SYCP2L: variants seen among roughly 807,000 people sequenced by gnomAD.
SYCP2L encodes the protein synaptonemal complex protein 2 like, also known as synaptonemal complex protein 2-like.
A neutral mutation model predicts 125.8 loss-of-function variants in SYCP2L; 98 were observed. The observed-to-expected ratio is 0.78, with a 90% CI of 0.66 to 0.92. SYCP2L has a LOEUF of 0.92. SYCP2L is among the 40% of genes least tolerant of loss of function. SYCP2L has a pLI of 0.00. For missense variants in SYCP2L, 842 were observed against 936.4 expected (o/e 0.90, Z 1.32); for synonymous variants, 317 against 325.4 (o/e 0.97, Z 0.28).
intron 21 of SYCP2L, among the ~76,000 whole-genome samples, chr6:10,935,744 C>T (rs1781082283): frequency 6.6e-6 from 1 of 152,176 alleles, no homozygotes; most frequent in African/African-American, 2.4e-5. Context: ...ATCTGCCCAC[C>T]TTGCCTTCCC....
chr6:10,958,534 G>A (rs910763988), intron 25 of SYCP2L, among the ~76,000 whole-genome samples: 4 of 152,054 alleles, frequency 2.6e-5, no homozygotes, highest in African/African-American at 9.7e-5. Flanking sequence ...GATTTGGGTG[G>A]GGGCAAATAT....
At chr6:10,934,028 G>C (rs1056931995) in intron 20 of SYCP2L, among the ~76,000 whole-genome samples, 1 of 152,148 alleles carries the variant, frequency 6.6e-6, no homozygotes, top group Non-Finnish European at 1.5e-5. Flanking sequence ...ATAGAATAGA[G>C]GCAGGTAGAG....
At chr6:10,903,727 G>A (rs1780432616) in intron 8 of SYCP2L, among the ~76,000 whole-genome samples, 1 of 151,564 alleles carries the variant, frequency 6.6e-6, no homozygotes, top group Non-Finnish European at 1.5e-5. Context: ...CTCCAGCCTG[G>A]GTGATAGAGC....
At chr6:10,963,420 T>C (rs1781624482) in intron 28 of SYCP2L, 4 of 266,582 alleles carry the variant, frequency 1.5e-5, no homozygotes, top group African/African-American at 6.7e-5. Context: ...CCTTATCTTA[T>C]GTTTTCATGT....
intron 14 of SYCP2L, among the ~76,000 whole-genome samples, chr6:10,920,651 A>G (rs1780780692): frequency 6.6e-6 from 1 of 152,096 alleles, no homozygotes; most frequent in Non-Finnish European, 1.5e-5. Context: ...TCATGGGTAC[A>G]TGTGCAGGAT....
At chr6:10,907,892 G>GTTTTTTTTTTTTTTGT (rs1780527260) in intron 10 of SYCP2L, among the ~76,000 whole-genome samples, 3 of 91,936 alleles carry the variant, frequency 3.3e-5, no homozygotes, top group African/African-American at 1.2e-4. Flanking sequence ...ATACAGATAG[G>GTTTTTTTTTTTTTTGT]TTTTTTTTTT....
At chr6:10,966,139 TAAC>T (rs1192012629) in intron 29 of SYCP2L, among the ~76,000 whole-genome samples, 4 of 148,154 alleles carry the variant, frequency 2.7e-5, no homozygotes, top group African/African-American at 9.9e-5. Context: ...ACAACAACAA[TAAC>T]AACAACAACA....
At chr6:10,956,039 C>T (rs1665025954) in intron 24 of SYCP2L, 97 bp from the exon 25 acceptor site, 4 of 986,126 alleles carry the variant, frequency 4.1e-6, no homozygotes, top group Admixed American at 4.2e-5. Context: ...CGCATCTGTG[C>T]TTCCAAATAA....
chr6:10,922,738 G>A (rs1368926924), intron 14 of SYCP2L: 1 of 152,020 alleles, frequency 6.6e-6, no homozygotes, highest in Non-Finnish European at 1.5e-5. Flanking sequence ...TTAGTATTTT[G>A]GGGAGATCAT....
intron 23 of SYCP2L, among the ~76,000 whole-genome samples, chr6:10,948,586 T>A (rs1449651948): frequency 2.0e-5 from 3 of 152,040 alleles, no homozygotes; most frequent in African/African-American, 7.2e-5. Flanking sequence ...GTGGTACATT[T>A]AAAAAAAGAT....
intron 28 of SYCP2L, among the ~76,000 whole-genome samples, chr6:10,962,896 A>T (rs1390957237): frequency 2.0e-5 from 3 of 152,142 alleles, no homozygotes; most frequent in Non-Finnish European, 4.4e-5. Flanking sequence ...AAAGCAAATA[A>T]TGTCTTAATG....
intron 21 of SYCP2L, among the ~76,000 whole-genome samples, chr6:10,940,914 C>T (rs60539777): frequency 0.2 from 29,916 of 151,898 alleles, 3,868 homozygotes; most frequent in East Asian, 0.42. Context: ...AATCCCTGCC[C>T]GTGTTATTTG....
chr6:10,959,783 C>T (rs143503674), intron 26 of SYCP2L, among the ~76,000 whole-genome samples: 2,537 of 150,712 alleles, frequency 0.017, 68 homozygotes, highest in African/African-American at 0.058. Flanking sequence ...GCGGGAGAAT[C>T]GCTTGAACTC....
chr6:10,896,472 T>C (rs1157903832), intron 4 of SYCP2L, among the ~76,000 whole-genome samples: 1 of 152,044 alleles, frequency 6.6e-6, no homozygotes, highest in Non-Finnish European at 1.5e-5. Context: ...GAGGGATAGA[T>C]GGAGTGGTGA....
At chr6:10,888,385 G>T (rs1173593501) in intron 1 of SYCP2L, among the ~76,000 whole-genome samples, 1 of 152,098 alleles carries the variant, frequency 6.6e-6, no homozygotes, top group Admixed American at 6.5e-5. Context: ...GTGAGCCACA[G>T]CGCCCGGCTA....
chr6:10,890,760 C>T (rs987898772), intron 1 of SYCP2L, among the ~76,000 whole-genome samples: 2 of 152,104 alleles, frequency 1.3e-5, no homozygotes, highest in Non-Finnish European at 2.9e-5. Flanking sequence ...AAAATCTTTG[C>T]CCAGACCAAT....
At chr6:10,927,999 G>A (rs945233339) in intron 17 of SYCP2L, among the ~76,000 whole-genome samples, 3 of 152,090 alleles carry the variant, frequency 2.0e-5, no homozygotes, top group Admixed American at 6.5e-5. Flanking sequence ...GCTCACCGGC[G>A]GTCAGAGTTT....
At position 10,961,419 on chromosome 6, in the gene SYCP2L, T is replaced by C. The variant is rs1213225722; in HGVS notation, c.2355+15T>C. 3 of 1,613,840 alleles carry C rather than the reference T, an allele frequency of 1.9e-6. No homozygotes were observed. The highest frequency in any genetic ancestry group is 2.5e-6 in the Non-Finnish European group (3 of 1,179,776). On this transcript the variant is annotated intron_variant, in intron 27 of 29. Transcript: ENST00000283141. ...AGGAGGTTCTGGTAAGTTCTTTTTG[T>C]GTGGAACATTTTCTGACTTCGGATC...
intron 25 of SYCP2L, among the ~76,000 whole-genome samples, chr6:10,957,618 G>A (rs1044741991): frequency 6.6e-6 from 1 of 152,132 alleles, no homozygotes; most frequent in African/African-American, 2.4e-5. Context: ...TTCAAGATCA[G>A]CCCGTGCAAC....
Sources: gnomAD v4.1 joint callset for allele counts (sites outside exome capture counted in the v4.1 genomes callset) on GRCh38, gnomAD v4.1.1 for gene constraint, MANE v1.5 for transcripts, NCBI Gene and HGNC (gene_info 2026-07-23, HGNC 2026-07-21) for gene names.